HIPK2: variants seen among roughly 807,000 people sequenced by gnomAD.
The protein encoded by HIPK2 is homeodomain interacting protein kinase 2.
In HIPK2, 27 loss-of-function variants were observed where a neutral mutation model predicts 113.7. The ratio of observed to expected loss-of-function variants is 0.24; its 90% CI spans 0.17 to 0.33. The LOEUF (loss-of-function observed/expected upper bound fraction) is 0.33. Among genes scored for constraint, HIPK2 ranks in the 10% least tolerant of loss-of-function variants. The pLI is 1.00. For missense variants in HIPK2, 1,257 were observed against 1,588.0 expected, an observed-to-expected ratio of 0.79 and a Z score of 3.54; for synonymous variants, 631 against 642.2, an observed-to-expected ratio of 0.98 and a Z score of 0.26.
chr7:139,685,524 C>T (rs1429606343), intron 2 of HIPK2, among the ~76,000 whole-genome samples: 3 of 152,188 alleles, frequency 2.0e-5, no homozygotes, highest in African/African-American at 2.4e-5. Context: ...CTAGGACTTT[C>T]GTAGCTAGAG....
chr7:139,690,807 A>C (rs1396505179), intron 2 of HIPK2, among the ~76,000 whole-genome samples: 1 of 152,164 alleles, frequency 6.6e-6, no homozygotes, highest in Non-Finnish European at 1.5e-5. Flanking sequence ...TGTGGCCCTT[A>C]CCAGATGCAG....
At chr7:139,599,441 C>CT (rs1206537708) in intron 11 of HIPK2, among the ~76,000 whole-genome samples, 2 of 152,196 alleles carry the variant, frequency 1.3e-5, no homozygotes, top group Non-Finnish European at 2.9e-5. Context: ...ATCTCTGTCT[C>CT]TATGTTTTGC....
At chr7:139,770,930 C>T (rs1453346188) in intron 1 of HIPK2, among the ~76,000 whole-genome samples, 1 of 152,160 alleles carries the variant, frequency 6.6e-6, no homozygotes, top group Non-Finnish European at 1.5e-5. Context: ...CAAAGGTTTT[C>T]TGCCTTTTCT....
chr7:139,583,726 T>G, intron 13 of HIPK2, 91 bp downstream of exon 13: 1 of 1,538,912 alleles, frequency 6.5e-7, no homozygotes, highest in South Asian at 1.2e-5. Context: ...TCTATTGTAC[T>G]AGCTCCCATA....
intron 1 of HIPK2, among the ~76,000 whole-genome samples, chr7:139,747,064 G>A (rs1459884122): frequency 2.0e-5 from 3 of 152,184 alleles, no homozygotes; most frequent in Non-Finnish European, 4.4e-5. Context: ...TCCAGGGCTG[G>A]CCAAATCAGT....
rs756380561 is a variant in HIPK2, at chr7:139,596,937, G to C, written c.2497C>G (p.Arg833Gly). 6.2e-7 allele frequency: 1 copy of C among 1,611,524 alleles called. No homozygotes were observed. ...QAISSPQRSK[R>G]VKENTPPRCA... ...CGGGGAGGTGTGTTCTCCTTGACAC[G>C]CTTGGATCGCTGTGGGGAGCTGATG... Residue 833 changes from arginine (R) to glycine (G), a missense_variant, in exon 12 of 15, where the codon CGT becomes GGT. Physicochemically the swap from Arg to Gly is moderately radical, Grantham distance 125. This residue lies in a region of HIPK2 where 862 missense variants were observed against 1,004.3 expected (regional missense o/e 0.86). Coordinates refer to ENST00000406875, the MANE Select transcript of HIPK2 (RefSeq NM_022740.5).
At chr7:139,668,107 C>T (rs1802115756) in intron 2 of HIPK2, among the ~76,000 whole-genome samples, 1 of 130,998 alleles carries the variant, frequency 7.6e-6, no homozygotes, top group African/African-American at 2.9e-5. Context: ...GCCTGGGTGA[C>T]AAGCGCAAAA....
intron 2 of HIPK2, among the ~76,000 whole-genome samples, chr7:139,711,544 T>C (rs1394184911): frequency 6.6e-6 from 1 of 152,232 alleles, no homozygotes; most frequent in African/African-American, 2.4e-5. Context: ...CAAAAAACTC[T>C]AGACAAGAAT....
At chr7:139,585,964 T>A (rs888247947) in intron 12 of HIPK2, among the ~76,000 whole-genome samples, 1 of 152,284 alleles carries the variant, frequency 6.6e-6, no homozygotes, top group East Asian at 1.9e-4. Context: ...TATGTGTCTC[T>A]GCCCTCGAGG....
chr7:139,573,484 G>C, intron 14 of HIPK2, 87 bp from the exon 15 acceptor site: 1 of 1,214,964 alleles, frequency 8.2e-7, no homozygotes, highest in Non-Finnish European at 1.2e-6. Context: ...GCAGGGAGGA[G>C]GAAGAGAAGG....
intron 13 of HIPK2, among the ~76,000 whole-genome samples, chr7:139,576,391 C>T (rs62491680): frequency 2.0e-5 from 3 of 152,202 alleles, no homozygotes; most frequent in Admixed American, 6.5e-5. Context: ...CTGGGGGGCC[C>T]GAGCACCTGC....
intron 13 of HIPK2, among the ~76,000 whole-genome samples, chr7:139,579,194 A>G (rs181255025): frequency 2.2e-3 from 332 of 152,342 alleles, no homozygotes; most frequent in African/African-American, 6.7e-3. Context: ...GAAGGTGCCC[A>G]AAGTAGGGGT....
At chr7:139,724,402 G>C (rs1355706386) in intron 1 of HIPK2, among the ~76,000 whole-genome samples, 1 of 152,140 alleles carries the variant, frequency 6.6e-6, no homozygotes, top group Non-Finnish European at 1.5e-5. Context: ...AGTGTATACT[G>C]AATGTCCCTG....
At chr7:139,627,533 T>A (rs562281630) in intron 5 of HIPK2, among the ~76,000 whole-genome samples, 75 of 152,318 alleles carry the variant, frequency 4.9e-4, no homozygotes, top group African/African-American at 1.7e-3. Context: ...GAGTCTATAC[T>A]AGGATCGACT....
At chr7:139,612,633 T>C (rs1799875760) in intron 9 of HIPK2, among the ~76,000 whole-genome samples, 1 of 152,234 alleles carries the variant, frequency 6.6e-6, no homozygotes, top group Non-Finnish European at 1.5e-5. Context: ...GTTACTGTTA[T>C]CATTGCATCA....
At chr7:139,635,248 C>T (rs1157622472) in intron 2 of HIPK2, among the ~76,000 whole-genome samples, 1 of 152,184 alleles carries the variant, frequency 6.6e-6, no homozygotes, top group Non-Finnish European at 1.5e-5. Context: ...AAGTCTGACG[C>T]TCCAGTCTGT....
chr7:139,624,651 C>T (rs77165550), intron 6 of HIPK2, among the ~76,000 whole-genome samples: 101 of 152,202 alleles, frequency 6.6e-4, no homozygotes, highest in Non-Finnish European at 1.0e-3. Context: ...CAGAACACCA[C>T]GTTTACTTGG....
At chr7:139,644,426 G>T (rs1487104209) in intron 2 of HIPK2, among the ~76,000 whole-genome samples, 1 of 152,200 alleles carries the variant, frequency 6.6e-6, no homozygotes, top group Non-Finnish European at 1.5e-5. Flanking sequence ...GTGCACATCG[G>T]TGTGGCAGCC....
chr7:139,719,680 G>A (rs1349301879), intron 1 of HIPK2, among the ~76,000 whole-genome samples: 2 of 152,118 alleles, frequency 1.3e-5, no homozygotes, highest in Non-Finnish European at 2.9e-5. Flanking sequence ...CTAGTCACTT[G>A]GCTCCAAAAC....
Sources: allele counts gnomAD v4.1 joint callset (sites outside exome capture counted in the v4.1 genomes callset), GRCh38; gene constraint gnomAD v4.1.1; regional missense constraint gnomAD v4.1.1; transcripts MANE v1.5; gene names NCBI Gene and HGNC (gene_info 2026-07-23, HGNC 2026-07-21).